Variants in PCDHA4 observed in about 807,000 individuals in gnomAD.
PCDHA4 encodes protocadherin alpha 4, also known as protocadherin alpha-4.
PCDHA4 carries 49 observed loss-of-function variants against 61.4 expected under a neutral mutation model. The observed-to-expected ratio is 0.80, with a 90% confidence interval of 0.63 to 1.01. PCDHA4 has a LOEUF of 1.01. Ranked by LOEUF, PCDHA4 falls within the 50% of genes least tolerant of loss-of-function variation. The pLI is 0.00. For synonymous variants in PCDHA4, 590 were observed against 550.3 expected (o/e 1.07, Z -1.01); for missense variants, 1,254 against 1,235.8 (o/e 1.01, Z -0.22).
intron 1 of PCDHA4, chr5:140,869,076 C>G (rs367613564): frequency 6.3e-7 from 1 of 1,577,934 alleles, no homozygotes; most frequent in South Asian, 1.2e-5. Flanking sequence ...TGTAAAGAAG[C>G]TTATTTTGGA....
intron 1 of PCDHA4, chr5:140,882,427 G>C (rs201675412): frequency 1.6e-4 from 264 of 1,613,972 alleles, no homozygotes; most frequent in Middle Eastern, 1.7e-4. Context: ...AGGACCTGGG[G>C]CTGGAGCTGG....
Position 141,000,369 on chromosome 5 carries a change from C to CTG in PCDHA4, c.2534-9257_2534-9256insGT, listed in dbSNP as rs1469177188. On this transcript the variant is annotated intron_variant, in intron 3 of 3. Coordinates refer to ENST00000530339, the MANE Select transcript of PCDHA4 (RefSeq NM_018907.4). ...TCTCTCTGTCTCTCTCTGTCTCTCT[C>CTG]TCTCTCTCTCTCTCTCTCTCTCTCT... Among the ~76,000 whole-genome samples, 12 of 35,276 alleles carry CTG rather than the reference C, an allele frequency of 3.4e-4. No individual in the cohort carries two copies. In the East Asian group the frequency reaches 5.7e-3, roughly 17 times the overall value. The allele number at this position is 35,276 out of a possible 152,430, so 23.1% of individuals were successfully genotyped here.
At chr5:140,835,075 C>T (rs2150230392) in intron 1 of PCDHA4, 4 of 1,211,226 alleles carry the variant, frequency 3.3e-6, no homozygotes, top group Non-Finnish European at 4.5e-6. Flanking sequence ...TTACTCATCA[C>T]GGTACTGGAC....
chr5:140,857,737 G>C (rs782448076), intron 1 of PCDHA4: 4 of 1,597,412 alleles, frequency 2.5e-6, no homozygotes, highest in Middle Eastern at 1.8e-4. Context: ...ACGCTCCCGC[G>C]CTGCTGGCGT....
intron 1 of PCDHA4, chr5:140,842,083 C>T (rs2150328949): frequency 1.3e-4 from 212 of 1,613,806 alleles, no homozygotes; most frequent in East Asian, 1.3e-3. Context: ...TATTCGAAAA[C>T]GCAGACAACG....
chr5:140,823,526 T>C, intron 1 of PCDHA4: 1 of 1,613,632 alleles, frequency 6.2e-7, no homozygotes, highest in South Asian at 1.1e-5. Flanking sequence ...CCGAGGTCAG[T>C]GGGTGCGGGC....
At chr5:140,872,215 A>T (rs931630004) in intron 1 of PCDHA4, among the ~76,000 whole-genome samples, 2 of 152,188 alleles carry the variant, frequency 1.3e-5, no homozygotes, top group Non-Finnish European at 2.9e-5. Flanking sequence ...ATTATATATG[A>T]AACAATCTTT....
At chr5:140,873,816 A>G (rs1419963733) in intron 1 of PCDHA4, among the ~76,000 whole-genome samples, 3 of 151,528 alleles carry the variant, frequency 2.0e-5, no homozygotes, top group East Asian at 3.9e-4. Context: ...ATGCACCACC[A>G]CTCCTGGCTA....
In PCDHA4 at chr5:140,841,532, C is replaced by A. The variant is rs2150317529; in HGVS notation, c.2385+31960C>A. 22 of 1,613,576 alleles carry A rather than the reference C, an allele frequency of 1.4e-5. No individual in the cohort carries two copies. In the South Asian group the frequency reaches 2.3e-4, roughly 17 times the overall value. ...CCTGTTCCGGGTGGCGTCCAAAAGA[C>A]ACCGGGACCTTCTGGAGGTAAGTCT... On this transcript the variant is annotated intron_variant, in intron 1 of 3. Coordinates refer to ENST00000530339, the MANE Select transcript of PCDHA4 (RefSeq NM_018907.4).
At chr5:140,898,430 C>G (rs2153460461) in intron 1 of PCDHA4, among the ~76,000 whole-genome samples, 1 of 152,270 alleles carries the variant, frequency 6.6e-6, no homozygotes, top group East Asian at 1.9e-4. Flanking sequence ...TTCCCAGCAC[C>G]ATTTATTAAA....
chr5:140,867,681 A>T (rs759356211), intron 1 of PCDHA4: 1 of 152,096 alleles, frequency 6.6e-6, no homozygotes, highest in African/African-American at 2.4e-5. Context: ...ATTTTGTTGC[A>T]TCTTCTTTTT....
intron 1 of PCDHA4, among the ~76,000 whole-genome samples, chr5:140,961,085 T>C (rs1406733516): frequency 1.3e-5 from 2 of 152,230 alleles, no homozygotes; most frequent in East Asian, 3.8e-4. Flanking sequence ...CAAGTAATTG[T>C]TGACTTTTTG....
chr5:140,966,731 G>T, intron 1 of PCDHA4: 8 of 1,405,136 alleles, frequency 5.7e-6, no homozygotes, highest in Non-Finnish European at 7.4e-6. Context: ...TGCCGCCTCC[G>T]GCCCTGCCCG....
chr5:140,968,866 A>G, intron 1 of PCDHA4: 1 of 1,614,230 alleles, frequency 6.2e-7, no homozygotes, highest in Non-Finnish European at 8.5e-7. Flanking sequence ...GCCCTCGGAC[A>G]TACTCTGAAA....
intron 1 of PCDHA4, chr5:140,861,911 G>A (rs1428528633): frequency 1.3e-5 from 2 of 154,368 alleles, no homozygotes; most frequent in East Asian, 1.9e-4. Context: ...ATATATCACA[G>A]CGCTGGATGT....
chr5:140,869,724 A>G (rs1554163381), intron 1 of PCDHA4: 1 of 1,613,416 alleles, frequency 6.2e-7, no homozygotes. Flanking sequence ...AAACTCCGGA[A>G]CTTAATTTGC....
chr5:140,899,548 T>C (rs1452628026), intron 1 of PCDHA4, among the ~76,000 whole-genome samples: 5 of 152,214 alleles, frequency 3.3e-5, no homozygotes, highest in African/African-American at 1.2e-4. Flanking sequence ...TCATGGTGGA[T>C]AAGCTTTTTG....
chr5:140,931,914 A>G (rs1374173998), intron 1 of PCDHA4, among the ~76,000 whole-genome samples: 2 of 151,960 alleles, frequency 1.3e-5, no homozygotes, highest in Non-Finnish European at 2.9e-5. Context: ...AAAGCATGAC[A>G]TTTAACAATG....
At chr5:140,978,788 T>TA (rs2096823213) in intron 1 of PCDHA4, 161 bp from the exon 2 acceptor site, 1 of 974,810 alleles carries the variant, frequency 1.0e-6, no homozygotes, top group Non-Finnish European at 1.2e-6. Flanking sequence ...TCTAAAGTGC[T>TA]ATATATGTAG....
Sources: allele counts gnomAD v4.1 joint callset (sites outside exome capture counted in the v4.1 genomes callset), GRCh38; gene constraint gnomAD v4.1.1; transcripts MANE v1.5; gene names NCBI Gene and HGNC (gene_info 2026-07-23, HGNC 2026-07-21).